ATG4B: variants seen among roughly 807,000 people sequenced by gnomAD.
The protein encoded by ATG4B is cysteine protease ATG4B.
In ATG4B, 29 loss-of-function variants were observed where a neutral mutation model predicts 56.6. The observed-to-expected ratio is 0.51, with a 90% CI of 0.38 to 0.70. ATG4B has a LOEUF of 0.70. Ranked by LOEUF, ATG4B falls within the 30% of genes least tolerant of loss-of-function variation. The pLI is 0.00. For synonymous variants in ATG4B, 224 were observed against 206.1 expected (o/e 1.09, Z -0.74); for missense variants, 461 against 515.5 (o/e 0.89, Z 1.02).
chr2:241,672,062 C>G (rs1228985866), intron 12 of ATG4B, 129 bp from the exon 13 acceptor site: 4 of 1,474,220 alleles, frequency 2.7e-6, no homozygotes, highest in Non-Finnish European at 3.6e-6. Flanking sequence ...CTGTTCACAC[C>G]CGCATGGGGA....
Position 241,668,387 on chromosome 2 carries a change from T to G in ATG4B, c.812-153T>G. ...GCGGGCGGCCTCCTGTGTGCCCCTT[T>G]CCCTGATGGTCTGGTGCCCTCGGCT... On this transcript the variant is annotated intron_variant, in intron 9 of 12. Transcript: ENST00000404914. This position sits in a 1 kb window ranked among gnomAD's most constrained non-coding sequence, Gnocchi z 4.2. 7.3e-7 allele frequency: 1 copy of G among 1,364,642 alleles called. No individual in the cohort carries two copies. Among genetic ancestry groups the G allele is most frequent in the African/African-American group, 1.4e-5 (1 of 69,240 alleles). 84.5% of individuals were successfully genotyped at this position (1,364,642 alleles called of 1,614,324 possible). A position where few individuals can be genotyped will look rare whatever the true frequency, so the allele number is the denominator to read the frequency against.
At chr2:241,656,733 C>G (rs2068415824) in intron 6 of ATG4B, among the ~76,000 whole-genome samples, 1 of 152,204 alleles carries the variant, frequency 6.6e-6, no homozygotes, top group African/African-American at 2.4e-5. Flanking sequence ...GCATGGTGAC[C>G]TGACAGCCAG....
At chr2:241,643,243 C>T (rs890318495) in intron 1 of ATG4B, among the ~76,000 whole-genome samples, 1 of 151,836 alleles carries the variant, frequency 6.6e-6, no homozygotes. Flanking sequence ...CTCACTTCAT[C>T]GCTCAGACTG....
chr2:241,638,549 C>T (rs2067765472), intron 1 of ATG4B, among the ~76,000 whole-genome samples: 2 of 152,172 alleles, frequency 1.3e-5, no homozygotes, highest in South Asian at 2.1e-4. Context: ...ACTGATTTGC[C>T]TTTTACCAAG....
intron 1 of ATG4B, among the ~76,000 whole-genome samples, chr2:241,639,047 G>A (rs1008183476): frequency 1.3e-5 from 2 of 152,122 alleles, no homozygotes; most frequent in African/African-American, 2.4e-5. Context: ...TTGGTCCACC[G>A]GTGGGCACCT....
intron 12 of ATG4B, 94 bp downstream of exon 12, chr2:241,671,499 T>G: frequency 6.4e-7 from 1 of 1,560,042 alleles, no homozygotes; most frequent in Non-Finnish European, 8.7e-7. Flanking sequence ...ACCATTAAGG[T>G]GTGTGTGAGC....
chr2:241,652,987 C>T lies in ATG4B; in HGVS notation c.185-525C>T, dbSNP rs2068267373. 2.0e-5 allele frequency among the ~76,000 whole-genome samples: 3 copies of T among 152,226 alleles called. No homozygotes were observed. In the South Asian group the frequency reaches 6.2e-4, roughly 31 times the overall value. ...CCTGCTATGGGCTGGCAGTGTTTCC[C>T]ACGTGCCTGTCACATGCCGCGCAGT... On this transcript the variant is annotated intron_variant, in intron 3 of 12. Transcript: ENST00000404914.
At chr2:241,646,438 C>T (rs577999636) in intron 1 of ATG4B, among the ~76,000 whole-genome samples, 12 of 152,286 alleles carry the variant, frequency 7.9e-5, no homozygotes, top group African/African-American at 1.9e-4. Flanking sequence ...TGATGACATA[C>T]GCCACATTCT....
chr2:241,642,871 C>CTTTTTTTTTTTTTTT lies in ATG4B; in HGVS notation c.10+5147_10+5148insTTTTTTTTTTTTTTT, dbSNP rs1321613822. ...CTTAAGGTGTACAGCACCTCTCCGT[C>CTTTTTTTTTTTTTTT]CTTTTTTTTTTTTTTTTTTTTTTTT... On this transcript the variant is annotated intron_variant, in intron 1 of 12. Transcript: ENST00000404914. 7.1e-5 allele frequency among the ~76,000 whole-genome samples: 7 copies of CTTTTTTTTTTTTTTT among 98,428 alleles called. 3 individuals are homozygous for CTTTTTTTTTTTTTTT. The highest frequency in any genetic ancestry group is 7.5e-4 in the East Asian group (2 of 2,668). The allele number at this position is 98,428 out of a possible 152,430, so 64.6% of individuals were successfully genotyped here.
chr2:241,645,383 G>GTTT (rs2068032616), intron 1 of ATG4B, among the ~76,000 whole-genome samples: 1 of 152,194 alleles, frequency 6.6e-6, no homozygotes, highest in Non-Finnish European at 1.5e-5. Flanking sequence ...TTCAGTGTTA[G>GTTT]TAAAGAGACT....
rs2069019780 is a variant in ATG4B, at chr2:241,672,608, A to G, written c.*344A>G. 1 of 325,274 alleles carries G rather than the reference A, an allele frequency of 3.1e-6. No homozygotes were observed. The highest frequency in any genetic ancestry group is 3.9e-5 in the South Asian group (1 of 25,784). 20.1% of individuals were successfully genotyped at this position (325,274 alleles called of 1,614,324 possible). A position where few individuals can be genotyped will look rare whatever the true frequency, so the allele number is the denominator to read the frequency against. On this transcript the variant is annotated 3_prime_UTR_variant, in exon 13 of 13. Coordinates refer to ENST00000404914, the MANE Select transcript of ATG4B (RefSeq NM_013325.5). ...CCGGTTCTGTGGTTGGTTTGGAATT[A>G]AAGTCCTGTTTGAAGTTGTCAGACA...
chr2:241,665,130 T>G (rs1376061873), intron 7 of ATG4B, among the ~76,000 whole-genome samples: 1 of 152,182 alleles, frequency 6.6e-6, no homozygotes, highest in Admixed American at 6.5e-5. Context: ...TAAAAGAAAT[T>G]TAAAAAGTTC....
Position 241,651,398 on chromosome 2 carries a change from C to T in ATG4B, c.184+63C>T, listed in dbSNP as rs1323754220. On this transcript the variant is annotated intron_variant, in intron 3 of 12. Coordinates refer to ENST00000404914, the MANE Select transcript of ATG4B (RefSeq NM_013325.5). This position sits in a 1 kb window ranked among gnomAD's most constrained non-coding sequence, Gnocchi z 4.1. ...TGTTTTTAGGAAGGAGGAAAACTTA[C>T]GCTTGTAGATTTGACTTCAATATGC... is the stretch of plus-strand genomic sequence containing the variant. 8.5e-6 allele frequency: 11 copies of T among 1,298,234 alleles called. No homozygotes were observed. The highest frequency in any genetic ancestry group is 1.1e-5 in the Non-Finnish European group (10 of 929,132). 80.4% of individuals were successfully genotyped at this position (1,298,234 alleles called of 1,614,324 possible).
At chr2:241,638,557 A>G (rs370267524) in intron 1 of ATG4B, among the ~76,000 whole-genome samples, 57 of 152,312 alleles carry the variant, frequency 3.7e-4, no homozygotes, top group African/African-American at 1.3e-3. Flanking sequence ...GCCTTTTACC[A>G]AGTATCCCCC....
chr2:241,663,300 G>A (rs923587784), intron 7 of ATG4B, among the ~76,000 whole-genome samples: 3 of 152,146 alleles, frequency 2.0e-5, no homozygotes, highest in African/African-American at 7.2e-5. Context: ...ATTAGCTATG[G>A]AAAGATCAAA....
chr2:241,659,044 G>T, intron 6 of ATG4B, 64 bp from the exon 7 acceptor site: 1 of 1,327,912 alleles, frequency 7.5e-7, no homozygotes, highest in Non-Finnish European at 1.0e-6. Flanking sequence ...CGCAGCTATA[G>T]CTGCAAAGAT....
At chr2:241,648,247 A>C (rs902537547) in intron 1 of ATG4B, among the ~76,000 whole-genome samples, 6 of 152,362 alleles carry the variant, frequency 3.9e-5, no homozygotes, top group African/African-American at 1.4e-4. Context: ...CACAGTCACC[A>C]AGCAGTTTGG....
At chr2:241,654,707 C>T (rs923145954) in intron 5 of ATG4B, 60 bp downstream of exon 5, 27 of 1,377,906 alleles carry the variant, frequency 2.0e-5, no homozygotes, top group Admixed American at 6.0e-5. Context: ...GTGGAGTGGT[C>T]GGTTTCCCCT....
In ATG4B at chr2:241,671,269, C is replaced by T. The variant is rs1389984362; in HGVS notation, c.1015-43C>T. The T allele has an allele frequency of 1.9e-6, 3 of 1,551,318 alleles. No individual in the cohort carries two copies. In the Admixed American group the frequency reaches 5.4e-5, roughly 28 times the overall value. The stretch of plus-strand genomic sequence containing the variant: ...GCCCCTTTCTCTTGGCCGCAGCAAG[C>T]ACTGGGGTGAGGCTGCACCTAACGG... On this transcript the variant is annotated intron_variant, in intron 11 of 12. Transcript: ENST00000404914.
Sources: allele counts gnomAD v4.1 joint callset (sites outside exome capture counted in the v4.1 genomes callset), GRCh38; gene constraint gnomAD v4.1.1; non-coding constraint Gnocchi (gnomAD v3.1); transcripts MANE v1.5; gene names NCBI Gene and HGNC (gene_info 2026-07-23, HGNC 2026-07-21).